The following KCNU1 variants were observed in gnomAD, a reference collection of about 807,000 sequenced individuals.
The protein encoded by KCNU1 is potassium channel subfamily U member 1.
A neutral mutation model predicts 126.8 loss-of-function variants in KCNU1; 93 were observed. The observed-to-expected ratio is 0.73, with a 90% confidence interval of 0.62 to 0.87. The LOEUF (loss-of-function observed/expected upper bound fraction) is 0.87, where lower values mean the gene tolerates loss of function less well. Among genes scored for constraint, KCNU1 ranks in the 40% least tolerant of loss-of-function variants. The pLI is 0.00. For missense variants in KCNU1, 1,330 were observed against 1,367.1 expected, an observed-to-expected ratio of 0.97 and a Z score of 0.43; for synonymous variants, 523 against 494.2, an observed-to-expected ratio of 1.06 and a Z score of -0.77.
chr8:36,915,531 C>T (rs142624708), intron 22 of KCNU1, among the ~76,000 whole-genome samples: 10 of 152,324 alleles, frequency 6.6e-5, no homozygotes, highest in Admixed American at 1.3e-4. Flanking sequence ...ACATATTCAT[C>T]GGATAATCTC....
At chr8:36,935,408 C>G (rs576435066) in intron 26 of KCNU1, 107 bp from the exon 27 acceptor site, 5 of 822,148 alleles carry the variant, frequency 6.1e-6, no homozygotes, top group Non-Finnish European at 9.8e-6. Context: ...AAAACAAAAA[C>G]GTTTCCTCTT....
intron 10 of KCNU1, among the ~76,000 whole-genome samples, chr8:36,821,374 G>A (rs1339333206): frequency 2.6e-5 from 4 of 152,146 alleles, no homozygotes; most frequent in African/African-American, 9.7e-5. Context: ...TTTTGATGGG[G>A]CTTGCCTGTT....
At position 36,806,370 on chromosome 8, in the gene KCNU1, C is replaced by G; in HGVS notation, c.570C>G (p.Ser190Arg). The change falls in exon 5 of 27, where the codon AGC (serine) becomes AGG (arginine). Residue 190 changes from serine to arginine, a missense_variant. Physicochemically the swap from Ser to Arg is moderately radical, Grantham distance 110. Transcript: ENST00000399881. Reference sequence around the variant, plus strand: ...CCTTTATTTCTTATTATTTGAAGAGCAATTGGCTAGGTAAGTGTGCTCTGG... The same window carrying G: ...CCTTTATTTCTTATTATTTGAAGAGGAATTGGCTAGGTAAGTGTGCTCTGG... ...PPTFISYYLK[S>R]NWLGLRFLRA... is the part of the protein sequence containing the mutation. 6.3e-7 allele frequency: 1 copy of G among 1,585,466 alleles called. No individual in the cohort carries two copies. Among genetic ancestry groups the G allele is most frequent in the Non-Finnish European group, 8.6e-7 (1 of 1,157,282 alleles).
rs1036092443 is a variant in KCNU1 at position 36,918,399 on chromosome 8, A to T, written c.2522-424A>T. 4.6e-5 allele frequency among the ~76,000 whole-genome samples: 7 copies of T among 152,124 alleles called. 1 individual carries two copies. The highest frequency in any genetic ancestry group is 4.8e-5 in the African/African-American group (2 of 41,480). The stretch of plus-strand genomic sequence containing the variant: ...TCTGCAAAGATAAAAATAAAAAAAA[A>T]AATAAATTAGCTGGGTATGGAGGCA... On this transcript the variant is annotated intron_variant, in intron 22 of 26. Transcript: ENST00000399881.
chr8:36,927,123 A>T (rs1234571267), intron 24 of KCNU1, among the ~76,000 whole-genome samples: 4 of 152,202 alleles, frequency 2.6e-5, no homozygotes, highest in Non-Finnish European at 5.9e-5. Flanking sequence ...GCCCACAGTC[A>T]TGTGCTGTGA....
intron 23 of KCNU1, among the ~76,000 whole-genome samples, chr8:36,922,061 G>A (rs534321129): frequency 2.0e-5 from 3 of 152,312 alleles, no homozygotes; most frequent in Non-Finnish European, 4.4e-5. Flanking sequence ...TAAATACCAA[G>A]TCATCTATCT....
intron 19 of KCNU1, among the ~76,000 whole-genome samples, chr8:36,887,840 T>C (rs1278245010): frequency 6.6e-6 from 1 of 152,200 alleles, no homozygotes; most frequent in Non-Finnish European, 1.5e-5. Flanking sequence ...AGAATGGCCT[T>C]AAGTTCCATT....
chr8:36,811,011 T>C (rs776501547), intron 7 of KCNU1, among the ~76,000 whole-genome samples: 1 of 151,994 alleles, frequency 6.6e-6, no homozygotes, highest in Non-Finnish European at 1.5e-5. Flanking sequence ...TAAGAAGAAG[T>C]GTATTACAGA....
intron 10 of KCNU1, among the ~76,000 whole-genome samples, chr8:36,830,128 T>G (rs984277828): frequency 1.1e-4 from 16 of 149,976 alleles, no homozygotes; most frequent in African/African-American, 3.9e-4. Context: ...TCCAGATTTG[T>G]AAATCTTTAT....
chr8:36,934,042 G>A (rs920576912), intron 26 of KCNU1, among the ~76,000 whole-genome samples: 8 of 152,076 alleles, frequency 5.3e-5, no homozygotes, highest in African/African-American at 1.9e-4. Context: ...AAATCCCAAT[G>A]CATTGAATAG....
intron 2 of KCNU1, among the ~76,000 whole-genome samples, chr8:36,801,527 A>T (rs558527239): frequency 9.2e-5 from 14 of 151,972 alleles, no homozygotes; most frequent in Non-Finnish European, 2.9e-5. Context: ...TCATCTTTCC[A>T]GAAATCTGTC....
intron 10 of KCNU1, among the ~76,000 whole-genome samples, chr8:36,820,123 G>T (rs1261429919): frequency 1.3e-5 from 2 of 152,136 alleles, no homozygotes; most frequent in Non-Finnish European, 2.9e-5. Flanking sequence ...TCCTTGTGAA[G>T]CTCCTGGATG....
At chr8:36,913,168 A>T (rs953876607) in intron 22 of KCNU1, among the ~76,000 whole-genome samples, 3 of 152,026 alleles carry the variant, frequency 2.0e-5, no homozygotes, top group African/African-American at 7.2e-5. Flanking sequence ...TTTCCTTTAT[A>T]TCTAGTGATT....
chr8:36,875,595 A>G (rs903672184), intron 19 of KCNU1, among the ~76,000 whole-genome samples: 1 of 151,984 alleles, frequency 6.6e-6, no homozygotes, highest in Non-Finnish European at 1.5e-5. Flanking sequence ...AGAGCAATGC[A>G]AATGACCTTC....
At chr8:36,876,792 G>T (rs1244056920) in intron 19 of KCNU1, among the ~76,000 whole-genome samples, 1 of 152,132 alleles carries the variant, frequency 6.6e-6, no homozygotes, top group Non-Finnish European at 1.5e-5. Context: ...TGTAGGTATG[G>T]ATATAAAAAT....
At chr8:36,808,619 C>T (rs945126616) in intron 6 of KCNU1, 99 bp from the exon 7 acceptor site, 2 of 745,238 alleles carry the variant, frequency 2.7e-6, no homozygotes, top group Admixed American at 4.5e-5. Flanking sequence ...CCTTCTGGTC[C>T]ATGAGCCACA....
At chr8:36,926,995 G>A (rs1362009369) in intron 24 of KCNU1, among the ~76,000 whole-genome samples, 3 of 151,994 alleles carry the variant, frequency 2.0e-5, no homozygotes, top group African/African-American at 7.2e-5. Context: ...TGGATATTAA[G>A]GGCCCTCTTC....
intron 20 of KCNU1, among the ~76,000 whole-genome samples, chr8:36,908,053 C>A (rs1807702034): frequency 6.6e-6 from 1 of 152,042 alleles, no homozygotes; most frequent in Non-Finnish European, 1.5e-5. Context: ...AGTCATATAG[C>A]TAACAATAGT....
intron 2 of KCNU1, among the ~76,000 whole-genome samples, chr8:36,794,073 A>AG (rs1201945149): frequency 1.3e-5 from 2 of 151,694 alleles, no homozygotes; most frequent in African/African-American, 4.8e-5. Flanking sequence ...AAAAAAAAAA[A>AG]AAAAGGTCTA....
Sources: gnomAD v4.1 joint callset for allele counts (sites outside exome capture counted in the v4.1 genomes callset) on GRCh38, gnomAD v4.1.1 for gene constraint, MANE v1.5 for transcripts, NCBI Gene and HGNC (gene_info 2026-07-23, HGNC 2026-07-21) for gene names.